The following RBMS1 variants were observed in gnomAD, a reference collection of about 807,000 sequenced individuals.
RBMS1 encodes RNA-binding motif, single-stranded-interacting protein 1.
In RBMS1, 17 loss-of-function variants were observed where a neutral mutation model predicts 62.3. The observed-to-expected ratio is 0.27, with a 90% CI of 0.19 to 0.41. The LOEUF is 0.41. Among genes scored for constraint, RBMS1 ranks in the 10% least tolerant of loss-of-function variants. The probability of loss-of-function intolerance (pLI) is 1.00; values close to 1 mark genes in which losing one functional copy is unlikely to be tolerated. For synonymous variants in RBMS1, 172 were observed against 170.0 expected, an observed-to-expected ratio of 1.01 and a Z score of -0.09; for missense variants, 334 against 504.5, an observed-to-expected ratio of 0.66 and a Z score of 3.24.
chr2:160,283,341 G>C (rs1688198134), intron 9 of RBMS1: 1 of 152,140 alleles, frequency 6.6e-6, no homozygotes, highest in Admixed American at 6.5e-5. Context: ...CACTAGAGCA[G>C]ATCTCACTGA....
chr2:160,289,646 A>T (rs1688579145), intron 6 of RBMS1, among the ~76,000 whole-genome samples: 1 of 152,180 alleles, frequency 6.6e-6, no homozygotes, highest in Non-Finnish European at 1.5e-5. Flanking sequence ...TGGAGAAAAG[A>T]GTGTACCTAA....
intron 1 of RBMS1, among the ~76,000 whole-genome samples, chr2:160,398,421 A>G (rs1695256726): frequency 1.3e-5 from 2 of 152,238 alleles, no homozygotes; most frequent in East Asian, 3.8e-4. Context: ...CAGACATGTG[A>G]GGCAGCTTCT....
chr2:160,328,100 G>A (rs1007193086), intron 2 of RBMS1, among the ~76,000 whole-genome samples: 3 of 152,136 alleles, frequency 2.0e-5, no homozygotes, highest in Non-Finnish European at 4.4e-5. Flanking sequence ...TATGGCCAAT[G>A]GGCAGCCCTG....
At chr2:160,298,021 TAC>T (rs1208644123) in intron 6 of RBMS1, among the ~76,000 whole-genome samples, 1 of 152,194 alleles carries the variant, frequency 6.6e-6, no homozygotes, top group Non-Finnish European at 1.5e-5. Flanking sequence ...TCAGGGAGAA[TAC>T]CTTAGAGAGG....
intron 1 of RBMS1, among the ~76,000 whole-genome samples, chr2:160,376,884 G>C (rs2105179259): frequency 6.6e-6 from 1 of 152,274 alleles, no homozygotes; most frequent in South Asian, 2.1e-4. Flanking sequence ...TGCCCAGGCT[G>C]CTCTTGAACT....
intron 1 of RBMS1, among the ~76,000 whole-genome samples, chr2:160,439,542 C>T (rs1390677913): frequency 6.6e-6 from 1 of 151,652 alleles, no homozygotes; most frequent in Non-Finnish European, 1.5e-5. Flanking sequence ...GGGATGGCGG[C>T]CGGGCAGAGA....
chr2:160,290,849 GGGATGGTCT>G (rs1474641244), intron 6 of RBMS1, among the ~76,000 whole-genome samples: 1 of 152,128 alleles, frequency 6.6e-6, no homozygotes, highest in East Asian at 1.9e-4. Flanking sequence ...CTTTGAGAGT[GGGATGGTCT>G]CTTACACAAG....
intron 10 of RBMS1, among the ~76,000 whole-genome samples, chr2:160,280,939 A>C (rs1488314115): frequency 6.6e-6 from 1 of 152,194 alleles, no homozygotes; most frequent in Non-Finnish European, 1.5e-5. Flanking sequence ...ACACTGATGA[A>C]AATCTTCATC....
intron 1 of RBMS1, among the ~76,000 whole-genome samples, chr2:160,440,134 A>G (rs1262083377): frequency 5.4e-5 from 2 of 37,304 alleles, no homozygotes; most frequent in East Asian, 5.4e-3. Context: ...TTTCCCTGAG[A>G]CAGAGTCTCT....
chr2:160,330,228 T>C (rs969198139), intron 2 of RBMS1, among the ~76,000 whole-genome samples: 1 of 152,146 alleles, frequency 6.6e-6, no homozygotes, highest in Admixed American at 6.5e-5. Flanking sequence ...GAAATGTGGC[T>C]TGAGTGAGTG....
At position 160,400,833 on chromosome 2, in the gene RBMS1, AT is replaced by A. The variant is rs111516387; in HGVS notation, c.76-33443del. On this transcript the variant is annotated intron_variant, in intron 1 of 13. Transcript: ENST00000348849. ...GGACAGGAGTTTGCAGGAAACAAAA[AT>A]AATACATAAAGAATAGGAAAGGACC... is the stretch of plus-strand genomic sequence containing the variant. 4.4e-3 allele frequency among the ~76,000 whole-genome samples: 664 copies of A among 152,334 alleles called. 4 individuals are homozygous for A. Among genetic ancestry groups the A allele is most frequent in the African/African-American group, 0.015 (628 of 41,584 alleles).
At chr2:160,363,218 T>A (rs1693223611) in intron 2 of RBMS1, among the ~76,000 whole-genome samples, 1 of 152,224 alleles carries the variant, frequency 6.6e-6, no homozygotes, top group African/African-American at 2.4e-5. Context: ...CAATCCTGAC[T>A]ACAACGCTTT....
At chr2:160,351,214 T>G (rs372272209) in intron 2 of RBMS1, among the ~76,000 whole-genome samples, 1 of 151,520 alleles carries the variant, frequency 6.6e-6, no homozygotes, top group Admixed American at 6.6e-5. Context: ...CATTAGGAGA[T>G]ATACCTAATG....
intron 2 of RBMS1, among the ~76,000 whole-genome samples, chr2:160,329,015 CTT>C (rs1691106371): frequency 6.6e-6 from 1 of 152,284 alleles, no homozygotes; most frequent in East Asian, 1.9e-4. Context: ...AGAAATTTCT[CTT>C]GATTCTGATA....
intron 1 of RBMS1, among the ~76,000 whole-genome samples, chr2:160,491,484 GTC>G (rs1685826567): frequency 6.6e-6 from 1 of 152,186 alleles, no homozygotes; most frequent in South Asian, 2.1e-4. Flanking sequence ...CTTGCCGTTT[GTC>G]TCTCTCTTCA....
intron 4 of RBMS1, among the ~76,000 whole-genome samples, chr2:160,304,388 T>A (rs1382629673): frequency 7.1e-6 from 1 of 140,038 alleles, no homozygotes; most frequent in Non-Finnish European, 1.6e-5. Flanking sequence ...TGCAATCTAC[T>A]TCCTATCTAA....
intron 1 of RBMS1, among the ~76,000 whole-genome samples, chr2:160,450,563 TG>T (rs1683929439): frequency 4.9e-5 from 6 of 122,380 alleles, no homozygotes; most frequent in African/African-American, 9.0e-5. Context: ...AAATAAAAAA[TG>T]AAAAAAAAAA....
intron 1 of RBMS1, among the ~76,000 whole-genome samples, chr2:160,427,283 TA>T (rs1312851530): frequency 6.6e-6 from 1 of 152,202 alleles, no homozygotes; most frequent in Non-Finnish European, 1.5e-5. Flanking sequence ...ATCTAAGAGA[TA>T]TTTTTTAAAT....
At chr2:160,298,066 A>C (rs887676589) in intron 6 of RBMS1, among the ~76,000 whole-genome samples, 1 of 152,236 alleles carries the variant, frequency 6.6e-6, no homozygotes, top group African/African-American at 2.4e-5. Flanking sequence ...AATGGTGCAG[A>C]TGAGAGATGA....
Sources: allele counts gnomAD v4.1 joint callset (sites outside exome capture counted in the v4.1 genomes callset), GRCh38; gene constraint gnomAD v4.1.1; transcripts MANE v1.5; gene names NCBI Gene and HGNC (gene_info 2026-07-23, HGNC 2026-07-21).